The following FGD6 variants were observed in gnomAD, a reference collection of about 807,000 sequenced individuals.
The protein encoded by FGD6 is FYVE, RhoGEF and PH domain containing 6.
FGD6 carries 90 observed loss-of-function variants against 149.4 expected under a neutral mutation model. That is an observed-to-expected ratio of 0.60 (90% CI 0.51 to 0.72). The LOEUF is 0.72. Ranked by LOEUF, FGD6 falls within the 30% of genes least tolerant of loss-of-function variation. The probability of loss-of-function intolerance (pLI) is 0.00; values close to 1 mark genes in which losing one functional copy is unlikely to be tolerated. For synonymous variants in FGD6, 527 were observed against 584.0 expected (o/e 0.90, Z 1.41); for missense variants, 1,437 against 1,684.8 (o/e 0.85, Z 2.57).
chr12:95,108,227 G>C (rs891981091), intron 11 of FGD6, 121 bp downstream of exon 11: 1 of 836,912 alleles, frequency 1.2e-6, no homozygotes, highest in South Asian at 1.8e-5. Context: ...CGGATAAAGT[G>C]ATCAAAATTG....
chr12:95,200,694 C>T (rs2056652184), intron 2 of FGD6, among the ~76,000 whole-genome samples: 2 of 152,184 alleles, frequency 1.3e-5, no homozygotes, highest in Admixed American at 6.5e-5. Context: ...CACTGACAGT[C>T]TATTTGGCCA....
chr12:95,136,712 G>T (rs1366629392), intron 7 of FGD6, among the ~76,000 whole-genome samples: 1 of 152,180 alleles, frequency 6.6e-6, no homozygotes, highest in African/African-American at 2.4e-5. Context: ...GATAAAAGAA[G>T]AAGTTAAATT....
At chr12:95,187,584 C>T (rs1454358024) in intron 2 of FGD6, among the ~76,000 whole-genome samples, 2 of 147,302 alleles carry the variant, frequency 1.4e-5, no homozygotes, top group Admixed American at 7.0e-5. Flanking sequence ...ACCTGGGAGG[C>T]GGAGGTTCCA....
intron 2 of FGD6, among the ~76,000 whole-genome samples, chr12:95,207,395 A>G (rs1379038625): frequency 6.6e-6 from 1 of 152,230 alleles, no homozygotes; most frequent in Non-Finnish European, 1.5e-5. Flanking sequence ...GAACGGACTA[A>G]TACACCCCAC....
intron 8 of FGD6, among the ~76,000 whole-genome samples, chr12:95,114,861 T>C (rs545276497): frequency 6.6e-6 from 1 of 152,266 alleles, no homozygotes; most frequent in South Asian, 2.1e-4. Context: ...CTGCCTAAAA[T>C]GGGCCCTTTG....
Position 95,109,403 on chromosome 12 carries a change from G to T in FGD6, c.3134-842C>A, listed in dbSNP as rs552877950. Among the ~76,000 whole-genome samples, 30 of 152,196 alleles carry T rather than the reference G, an allele frequency of 2.0e-4. 1 individual carries two copies. The South Asian group carries it at 4.2e-3, about 21-fold the overall frequency. On this transcript the variant is annotated intron_variant, in intron 9 of 20. Coordinates refer to ENST00000343958, the MANE Select transcript of FGD6 (RefSeq NM_018351.4). Reference sequence around the variant, plus strand: ...TGGCCTTTGGTGGGTAGGAGGCAGGGATGCCAAACTCCATGCAATACTCCT... The same window carrying T: ...TGGCCTTTGGTGGGTAGGAGGCAGGTATGCCAAACTCCATGCAATACTCCT...
chr12:95,181,029 T>C (rs951184090), intron 2 of FGD6, among the ~76,000 whole-genome samples: 1 of 152,150 alleles, frequency 6.6e-6, no homozygotes, highest in Non-Finnish European at 1.5e-5. Context: ...TAACTATTGC[T>C]TAAGTTGTTA....
chr12:95,121,647 ATTTG>A (rs1239639453), intron 8 of FGD6, among the ~76,000 whole-genome samples: 1 of 151,500 alleles, frequency 6.6e-6, no homozygotes, highest in Non-Finnish European at 1.5e-5. Flanking sequence ...AGGAACCTTA[ATTTG>A]TTTTTCAAAT....
intron 2 of FGD6, among the ~76,000 whole-genome samples, chr12:95,173,636 G>A (rs1016097737): frequency 2.0e-5 from 3 of 152,152 alleles, no homozygotes; most frequent in African/African-American, 7.2e-5. Context: ...ATTCCTTCTA[G>A]CATTGGCTGG....
intron 3 of FGD6, among the ~76,000 whole-genome samples, chr12:95,167,405 G>C (rs957963150): frequency 1.1e-4 from 17 of 152,094 alleles, no homozygotes; most frequent in African/African-American, 3.9e-4. Flanking sequence ...ACATCTTCTT[G>C]ATTATGGCTA....
intron 6 of FGD6, among the ~76,000 whole-genome samples, chr12:95,138,471 T>C (rs1592848040): frequency 7.0e-6 from 1 of 143,746 alleles, no homozygotes; most frequent in African/African-American, 2.6e-5. Context: ...TTGAACCCGG[T>C]AGGTAGAGGT....
chr12:95,190,619 G>A (rs969146961), intron 2 of FGD6, among the ~76,000 whole-genome samples: 2 of 152,152 alleles, frequency 1.3e-5, no homozygotes, highest in Non-Finnish European at 2.9e-5. Context: ...ATGTTACATG[G>A]AGACAAGACA....
intron 5 of FGD6, among the ~76,000 whole-genome samples, chr12:95,150,370 AT>A (rs1880274471): frequency 6.7e-6 from 1 of 150,322 alleles, no homozygotes; most frequent in Non-Finnish European, 1.5e-5. Flanking sequence ...TTTACATAAT[AT>A]TTTTATTGAG....
chr12:95,142,938 G>A (rs1446296437), intron 5 of FGD6, among the ~76,000 whole-genome samples: 1 of 152,090 alleles, frequency 6.6e-6, no homozygotes, highest in Non-Finnish European at 1.5e-5. Context: ...TATTACTCCA[G>A]AGCACTTGGA....
intron 8 of FGD6, among the ~76,000 whole-genome samples, chr12:95,125,558 T>C (rs1229310864): frequency 1.3e-5 from 2 of 152,044 alleles, no homozygotes; most frequent in African/African-American, 4.8e-5. Context: ...ATCTCTTGAG[T>C]CTGGAAGGTT....
At chr12:95,099,362 G>A (rs1012225821) in intron 14 of FGD6, among the ~76,000 whole-genome samples, 2 of 152,166 alleles carry the variant, frequency 1.3e-5, no homozygotes, top group Admixed American at 6.5e-5. Flanking sequence ...TGCTGATGGA[G>A]CATGCAGTGT....
intron 16 of FGD6, 73 bp downstream of exon 16, chr12:95,092,626 A>G: frequency 6.8e-7 from 1 of 1,462,330 alleles, no homozygotes; most frequent in Non-Finnish European, 9.3e-7. Context: ...TATGAGGGGA[A>G]ATATGCTTCC....
chr12:95,137,025 C>A (rs1395612696), intron 7 of FGD6, among the ~76,000 whole-genome samples: 1 of 152,170 alleles, frequency 6.6e-6, no homozygotes, highest in East Asian at 1.9e-4. Context: ...CGCCTGTAAT[C>A]CCAGCACTTT....
At chr12:95,173,200 C>T (rs544522395) in intron 2 of FGD6, among the ~76,000 whole-genome samples, 6 of 152,214 alleles carry the variant, frequency 3.9e-5, no homozygotes, top group African/African-American at 7.2e-5. Flanking sequence ...ATAATGGTGA[C>T]GACAATCAAC....
Sources: allele counts gnomAD v4.1 joint callset (sites outside exome capture counted in the v4.1 genomes callset), GRCh38; gene constraint gnomAD v4.1.1; transcripts MANE v1.5; gene names NCBI Gene and HGNC (gene_info 2026-07-23, HGNC 2026-07-21).